SOX6: variants seen among roughly 807,000 people sequenced by gnomAD.
SOX6 encodes SRY-box transcription factor 6, also known as transcription factor SOX-6.
In SOX6, 11 loss-of-function variants were observed where a neutral mutation model predicts 97.8. The ratio of observed to expected loss-of-function variants is 0.11; its 90% confidence interval spans 0.07 to 0.19. The LOEUF (loss-of-function observed/expected upper bound fraction) is 0.19, where lower values mean the gene tolerates loss of function less well. Among genes scored for constraint, SOX6 ranks in the 10% least tolerant of loss-of-function variants. The pLI is 1.00. For missense variants in SOX6, 810 were observed against 1,039.5 expected (o/e 0.78, Z 3.04); for synonymous variants, 360 against 371.4 (o/e 0.97, Z 0.35).
intron 15 of SOX6, among the ~76,000 whole-genome samples, chr11:15,980,394 G>T (rs1366145018): frequency 6.6e-6 from 1 of 151,942 alleles, no homozygotes; most frequent in Non-Finnish European, 1.5e-5. Flanking sequence ...AACATCTGAG[G>T]CCCCTTCTAT....
At chr11:16,375,112 A>G (rs767385506) in intron 1 of SOX6, among the ~76,000 whole-genome samples, 4 of 152,084 alleles carry the variant, frequency 2.6e-5, no homozygotes, top group Admixed American at 6.6e-5. Context: ...AAATAGGTAT[A>G]AATTCCAACA....
chr11:16,012,137 A>G (rs1337341504), intron 13 of SOX6, among the ~76,000 whole-genome samples: 1 of 151,970 alleles, frequency 6.6e-6, no homozygotes, highest in African/African-American at 2.4e-5. Flanking sequence ...GAAGGAGCAA[A>G]TAATTTTTTT....
chr11:16,507,114 T>C (rs1316113274), intron 4 of SOX6, among the ~76,000 whole-genome samples: 1 of 152,064 alleles, frequency 6.6e-6, no homozygotes, highest in Admixed American at 6.6e-5. Flanking sequence ...GTAGCACCTC[T>C]CCCTTCTTAC....
chr11:16,667,062 A>AT (rs1361676953), intron 3 of SOX6, among the ~76,000 whole-genome samples: 3 of 121,046 alleles, frequency 2.5e-5, no homozygotes, highest in Non-Finnish European at 1.7e-5. Context: ...CTACCAAAAA[A>AT]TTAAAAAAAA....
At chr11:16,123,589 T>C (rs1166287201) in intron 6 of SOX6, among the ~76,000 whole-genome samples, 1 of 152,026 alleles carries the variant, frequency 6.6e-6, no homozygotes, top group Non-Finnish European at 1.5e-5. Flanking sequence ...AGTCTCGTCA[T>C]TTTAGAGTAC....
chr11:16,630,732 G>A (rs1469821528), intron 3 of SOX6, among the ~76,000 whole-genome samples: 2 of 152,312 alleles, frequency 1.3e-5, no homozygotes, highest in South Asian at 2.1e-4. Context: ...CTTTTCATAG[G>A]TCTAGAAGTA....
At chr11:16,302,517 A>G (rs572924050) in intron 3 of SOX6, among the ~76,000 whole-genome samples, 1 of 149,834 alleles carries the variant, frequency 6.7e-6, no homozygotes, top group Admixed American at 6.6e-5. Flanking sequence ...CTAGAAAAAA[A>G]TTATGGTTTC....
chr11:16,380,809 G>A (rs1182938948), intron 1 of SOX6, among the ~76,000 whole-genome samples: 1 of 152,012 alleles, frequency 6.6e-6, no homozygotes, highest in Non-Finnish European at 1.5e-5. Context: ...TAAGACAATT[G>A]TGAAATAATT....
chr11:16,022,547 G>A (rs1855097498), intron 12 of SOX6, among the ~76,000 whole-genome samples: 1 of 151,982 alleles, frequency 6.6e-6, no homozygotes, highest in Admixed American at 6.6e-5. Context: ...AAGTAGCTGG[G>A]ATTACAGTGC....
intron 4 of SOX6, among the ~76,000 whole-genome samples, chr11:16,221,463 C>G (rs1852535222): frequency 6.6e-6 from 1 of 151,238 alleles, no homozygotes; most frequent in South Asian, 2.1e-4. Context: ...ATAAGTATAA[C>G]AGTTGTTTCA....
chr11:16,225,005 A>C (rs1852644921), intron 4 of SOX6, among the ~76,000 whole-genome samples: 1 of 152,136 alleles, frequency 6.6e-6, no homozygotes. Flanking sequence ...TTCTACAATT[A>C]CACAGACATA....
chr11:16,053,972 T>TA (rs1197029592), intron 10 of SOX6, among the ~76,000 whole-genome samples: 1 of 152,082 alleles, frequency 6.6e-6, no homozygotes, highest in Non-Finnish European at 1.5e-5. Flanking sequence ...ATATATACAA[T>TA]AAAAAATCTA....
At chr11:16,497,060 G>C (rs1031899185) in intron 4 of SOX6, among the ~76,000 whole-genome samples, 9 of 152,126 alleles carry the variant, frequency 5.9e-5, no homozygotes, top group Non-Finnish European at 1.2e-4. Context: ...TAACTGGGAG[G>C]CACCCCCAGT....
intron 4 of SOX6, among the ~76,000 whole-genome samples, chr11:16,606,713 G>A (rs568218843): frequency 2.0e-5 from 3 of 152,336 alleles, no homozygotes; most frequent in African/African-American, 7.2e-5. Context: ...GGCGATAACA[G>A]CTTTCTGTTG....
Position 16,638,567 on chromosome 11 carries a change from C to T in SOX6, n.430-26307G>A, listed in dbSNP as rs559050353. ...AAAAGTGTTCCTATTTCTCCACATC[C>T]TCTCCAGCACCTGTTGTTTCCTGAC... is the stretch of plus-strand genomic sequence containing the variant. On this transcript the variant is annotated intron_variant and non_coding_transcript_variant, in intron 3 of 5. Transcript: ENST00000524520. Among the ~76,000 whole-genome samples the T allele has an allele frequency of 4.7e-3, 710 of 152,284 alleles. 6 individuals carry two copies. Among genetic ancestry groups the T allele is most frequent in the Middle Eastern group, 0.01 (3 of 292 alleles).
At chr11:16,690,754 C>T (rs1157673723) in intron 3 of SOX6, among the ~76,000 whole-genome samples, 2 of 152,178 alleles carry the variant, frequency 1.3e-5, no homozygotes, top group African/African-American at 4.8e-5. Flanking sequence ...AACTCTATTA[C>T]ATCATTTGTA....
At chr11:16,278,052 T>C (rs773038400) in intron 3 of SOX6, among the ~76,000 whole-genome samples, 13 of 152,172 alleles carry the variant, frequency 8.5e-5, no homozygotes, top group Non-Finnish European at 1.8e-4. Context: ...TCTCTCTTAG[T>C]GATTGATAGG....
rs1452805557 is a variant in SOX6 at position 16,127,332 on chromosome 11, G to A, written c.778-15409C>T. ...TTTGCACTCAAAATCTATTCTTCAT[G>A]TATACTTACTCACCTCTAGCATTCT... On this transcript the variant is annotated intron_variant, in intron 6 of 15. Transcript: ENST00000683767. Among the ~76,000 whole-genome samples, 3 of 151,964 alleles carry A rather than the reference G, an allele frequency of 2.0e-5. No homozygotes were observed. The East Asian group carries it at 5.8e-4, about 29-fold the overall frequency.
chr11:16,060,968 T>G (rs1847934647), intron 9 of SOX6, among the ~76,000 whole-genome samples: 2 of 151,794 alleles, frequency 1.3e-5, no homozygotes. Context: ...AATCAATAGT[T>G]TCTGATTTAA....
Sources: gnomAD v4.1 joint callset for allele counts (sites outside exome capture counted in the v4.1 genomes callset) on GRCh38, gnomAD v4.1.1 for gene constraint, MANE v1.5 for transcripts, NCBI Gene and HGNC (gene_info 2026-07-23, HGNC 2026-07-21) for gene names.